The following ERMP1 variants were observed in gnomAD, a reference collection of about 807,000 sequenced individuals.
The protein encoded by ERMP1 is endoplasmic reticulum metallopeptidase 1, also known as Felix-ina.
ERMP1 carries 86 observed loss-of-function variants against 92.0 expected under a neutral mutation model. That is an observed-to-expected ratio of 0.93 (90% CI 0.79 to 1.12). ERMP1 has a LOEUF of 1.12. ERMP1 is among the 50% of genes most tolerant of loss of function. ERMP1 has a pLI of 0.00. For missense variants in ERMP1, 1,342 were observed against 1,116.3 expected, an observed-to-expected ratio of 1.20 and a Z score of -2.88; for synonymous variants, 530 against 412.8, an observed-to-expected ratio of 1.28 and a Z score of -3.44.
chr9:5,806,972 ATACTT>A (rs1828895418), intron 8 of ERMP1, among the ~76,000 whole-genome samples: 1 of 152,192 alleles, frequency 6.6e-6, no homozygotes, highest in African/African-American at 2.4e-5. Flanking sequence ...CAGCTGCTAA[ATACTT>A]AAGTTATTAA....
chr9:5,787,518 G>A lies in ERMP1; in HGVS notation c.2462C>T (p.Thr821Ile). Residue 821 changes from threonine to isoleucine, a missense_variant, in exon 14 of 15, where the codon ACC becomes ATC. Physicochemically the swap from Thr to Ile is moderately conservative, Grantham distance 89. Transcript: ENST00000339450. ...TLSQWSLGNG[T>I]PVTSKGGDYF... ...GTCTCCTCCTTTACTTGTGACTGGG[G>A]TGCCATTGCCAAGAGACCACTGAGA... 2 of 1,614,138 alleles carry A rather than the reference G, an allele frequency of 1.2e-6. No individual in the cohort carries two copies. The highest frequency in any genetic ancestry group is 1.7e-6 in the Non-Finnish European group (2 of 1,179,996).
At chr9:5,842,134 G>C (rs956307715) in intron 6 of ERMP1, among the ~76,000 whole-genome samples, 1 of 152,186 alleles carries the variant, frequency 6.6e-6, no homozygotes, top group South Asian at 2.1e-4. Flanking sequence ...TCCACACAGT[G>C]CAAGGGGACT....
intron 8 of ERMP1, 146 bp from the exon 9 acceptor site, chr9:5,805,931 C>T (rs2131227781): frequency 1.7e-6 from 1 of 585,952 alleles, no homozygotes. Context: ...AAAGTAAACA[C>T]TAACAAAGCT....
intron 5 of ERMP1, among the ~76,000 whole-genome samples, chr9:5,864,139 G>C (rs1360087469): frequency 6.6e-6 from 1 of 152,218 alleles, no homozygotes; most frequent in East Asian, 1.9e-4. Flanking sequence ...TTGACTGTTG[G>C]AAATTGGTAG....
At chr9:5,851,860 C>T (rs1004635639) in intron 6 of ERMP1, among the ~76,000 whole-genome samples, 2 of 152,106 alleles carry the variant, frequency 1.3e-5, no homozygotes, top group East Asian at 1.9e-4. Flanking sequence ...TATTACTTAA[C>T]GAATGGCTTG....
chr9:5,866,477 C>T (rs1891559), intron 5 of ERMP1, among the ~76,000 whole-genome samples: 144,401 of 152,194 alleles, frequency 0.95, 68,874 homozygotes, highest in East Asian at 1. Context: ...AATATGCAGA[C>T]TATGACAAAC....
chr9:5,801,573 T>C (rs1828674538), intron 10 of ERMP1, among the ~76,000 whole-genome samples: 1 of 152,142 alleles, frequency 6.6e-6, no homozygotes, highest in Non-Finnish European at 1.5e-5. Context: ...CTTTTTGGCA[T>C]GCAGCCAAAA....
intron 4 of ERMP1, among the ~76,000 whole-genome samples, chr9:5,813,765 A>C (rs904022596): frequency 1.1e-4 from 16 of 151,322 alleles, no homozygotes; most frequent in Non-Finnish European, 2.2e-4. Flanking sequence ...ATTTATCATT[A>C]TTAATAATTT....
intron 4 of ERMP1, among the ~76,000 whole-genome samples, chr9:5,813,683 T>C (rs1829194880): frequency 6.6e-6 from 1 of 151,912 alleles, no homozygotes; most frequent in Non-Finnish European, 1.5e-5. Flanking sequence ...TCAATCTGTA[T>C]TATAATAATC....
chr9:5,805,795 A>T lies in ERMP1; in HGVS notation c.1549-10T>A. ...ACTGGGCACTGGCATTCTGAAAGAA[A>T]GAAAAATATACAAGTAGTCTCATTC... On this transcript the variant is annotated splice_polypyrimidine_tract_variant and intron_variant, in intron 8 of 14. Transcript: ENST00000339450. 2 of 1,587,156 alleles carry T rather than the reference A, an allele frequency of 1.3e-6. No homozygotes were observed. Among genetic ancestry groups the T allele is most frequent in the African/African-American group, 2.7e-5 (2 of 73,232 alleles).
intron 5 of ERMP1, among the ~76,000 whole-genome samples, chr9:5,861,165 TA>T (rs1409540426): frequency 9.1e-6 from 1 of 109,662 alleles, no homozygotes; most frequent in Non-Finnish European, 1.9e-5. Flanking sequence ...CACAATGGCT[TA>T]GGGGGTGTGT....
At chr9:5,805,808 A>G in intron 8 of ERMP1, 23 bp from the exon 9 acceptor site, 1 of 1,568,508 alleles carries the variant, frequency 6.4e-7, no homozygotes. Flanking sequence ...AAAATATACA[A>G]GTAGTCTCAT....
intron 6 of ERMP1, among the ~76,000 whole-genome samples, chr9:5,840,744 T>C (rs182798706): frequency 1.6e-4 from 24 of 152,332 alleles, no homozygotes; most frequent in Admixed American, 1.3e-3. Context: ...GTTAATAGGG[T>C]TGTCCTGAGG....
At chr9:5,796,729 A>C (rs889778108) in intron 13 of ERMP1, among the ~76,000 whole-genome samples, 2 of 152,162 alleles carry the variant, frequency 1.3e-5, no homozygotes, top group Admixed American at 1.3e-4. Context: ...TGGGAAGAAA[A>C]GAGAGATAAA....
chr9:5,800,388 A>G (rs756550016), intron 11 of ERMP1, among the ~76,000 whole-genome samples: 12 of 152,176 alleles, frequency 7.9e-5, no homozygotes, highest in African/African-American at 2.9e-4. Flanking sequence ...ATAAGTCCTC[A>G]AACTGGCCAG....
chr9:5,853,716 G>A (rs1465790629), intron 6 of ERMP1, among the ~76,000 whole-genome samples: 1 of 151,196 alleles, frequency 6.6e-6, no homozygotes, highest in African/African-American at 2.4e-5. Flanking sequence ...ACTCAAACTC[G>A]AGCATGTGTT....
chr9:5,816,813 G>A (rs991172557), intron 4 of ERMP1, among the ~76,000 whole-genome samples: 16 of 152,076 alleles, frequency 1.1e-4, no homozygotes, highest in Middle Eastern at 3.4e-3. Context: ...GTGGTCACAT[G>A]ACCTGTCCAA....
At position 5,831,292 on chromosome 9, in the gene ERMP1, GACTAGGGATGTATTCAAAACGTGTGAC is replaced by G. The variant is rs1829929088; in HGVS notation, c.339-291_339-265del. On this transcript the variant is annotated intron_variant, in intron 1 of 14. Transcript: ENST00000339450. ...TCTCCCCATATCAAACCAATACAAGGACTAGGGATGTATTCAAAACGTGTGACCACTGGCCAGGCACGGTGGCTCACG... is the reference window on the plus strand; with the variant it reads ...TCTCCCCATATCAAACCAATACAAGGCACTGGCCAGGCACGGTGGCTCACG... Among the ~76,000 whole-genome samples, 4 of 152,058 alleles carry G rather than the reference GACTAGGGATGTATTCAAAACGTGTGAC, an allele frequency of 2.6e-5. No individual in the cohort carries two copies. The East Asian group carries it at 7.7e-4, about 29-fold the overall frequency.
chr9:5,833,727 G>A (rs1318696618), upstream of ERMP1, among the ~76,000 whole-genome samples: 1 of 152,186 alleles, frequency 6.6e-6, no homozygotes, highest in Non-Finnish European at 1.5e-5. Context: ...TATAACCTGA[G>A]AAACGTAGAG....
Sources: gnomAD v4.1 joint callset for allele counts (sites outside exome capture counted in the v4.1 genomes callset) on GRCh38, gnomAD v4.1.1 for gene constraint, MANE v1.5 for transcripts, NCBI Gene and HGNC (gene_info 2026-07-23, HGNC 2026-07-21) for gene names.